Variants in MAML3 observed in about 807,000 individuals in gnomAD.
The protein encoded by MAML3 is mastermind like transcriptional coactivator 3, also known as mastermind-like protein 3.
A neutral mutation model predicts 101.9 loss-of-function variants in MAML3; 27 were observed. The ratio of observed to expected loss-of-function variants is 0.27; its 90% CI spans 0.20 to 0.37. The LOEUF is 0.37. MAML3 is among the 10% of genes least tolerant of loss of function. The pLI is 1.00. For missense variants in MAML3, 1,316 were observed against 1,444.9 expected, an observed-to-expected ratio of 0.91 and a Z score of 1.45; for synonymous variants, 501 against 555.9, an observed-to-expected ratio of 0.90 and a Z score of 1.39.
chr4:139,926,522 C>T (rs1273871727), intron 1 of MAML3, among the ~76,000 whole-genome samples: 2 of 152,196 alleles, frequency 1.3e-5, no homozygotes, highest in Admixed American at 1.3e-4. Flanking sequence ...ATTGCTTCAA[C>T]CTGGGAGGCG....
chr4:139,985,092 A>G (rs1734513543), intron 1 of MAML3, among the ~76,000 whole-genome samples: 1 of 152,248 alleles, frequency 6.6e-6, no homozygotes, highest in Non-Finnish European at 1.5e-5. Flanking sequence ...ATTTTCCTAT[A>G]CACAAAAGTT....
At chr4:139,749,384 G>A (rs548786853) in intron 2 of MAML3, among the ~76,000 whole-genome samples, 6 of 152,186 alleles carry the variant, frequency 3.9e-5, no homozygotes, top group Non-Finnish European at 8.8e-5. Flanking sequence ...ATAGATATTT[G>A]CATATATTCC....
intron 1 of MAML3, among the ~76,000 whole-genome samples, chr4:140,147,929 T>G (rs1729093405): frequency 6.6e-6 from 1 of 151,840 alleles, no homozygotes; most frequent in South Asian, 2.1e-4. Flanking sequence ...TGTGTGTGTG[T>G]GTGTGCACGT....
rs536394392 is a variant in MAML3 at position 139,889,743 on chromosome 4, T to C, written c.1693A>G (p.Thr565Ala). The C allele has an allele frequency of 2.5e-6, 4 of 1,614,052 alleles. No individual in the cohort carries two copies. Among genetic ancestry groups the C allele is most frequent in the Admixed American group, 1.7e-5 (1 of 60,030 alleles). The change falls in exon 2 of 5, where the codon ACA becomes GCA. Residue 565 changes from threonine to alanine, a missense_variant. Transcript: ENST00000509479. ...PPMANNLQKT[T>A]MNNYLPQNHM... ...TTCTGAGGGAGGTAGTTATTCATTG[T>C]TGTCTTCTGCAGGTTGTTTGCCATT...
In MAML3 at chr4:139,717,166, A is replaced by C. The variant is rs1473125920; in HGVS notation, c.*2157T>G. The C allele has an allele frequency of 6.6e-6, 1 of 152,572 alleles. No homozygotes were observed. The highest frequency in any genetic ancestry group is 1.5e-5 in the Non-Finnish European group (1 of 68,036). The allele number at this position is 152,572 out of a possible 1,614,324, so 9.5% of individuals were successfully genotyped here. ...TACATCAGCACCGTAGTAAAAACAA[A>C]ACCAAAACAAAACCACCATATTAAA... On this transcript the variant is annotated 3_prime_UTR_variant, in exon 5 of 5. Transcript: ENST00000509479.
At chr4:139,769,604 C>T (rs1729934214) in intron 2 of MAML3, among the ~76,000 whole-genome samples, 1 of 152,018 alleles carries the variant, frequency 6.6e-6, no homozygotes, top group African/African-American at 2.4e-5. Flanking sequence ...AAAGACCTTC[C>T]ATGTCAAAGT....
rs550828659 is a variant in MAML3, at chr4:139,878,229, A to G, written c.2079+11128T>C. Among the ~76,000 whole-genome samples, 7 of 152,140 alleles carry G rather than the reference A, an allele frequency of 4.6e-5. No homozygotes were observed. The South Asian group carries it at 1.5e-3, about 32-fold the overall frequency. On this transcript the variant is annotated intron_variant, in intron 2 of 4. Transcript: ENST00000509479. Reference sequence around the variant, plus strand: ...CCCTCTATCCCGCCAACTCCTACTCATTCTTGGTCTATCTCGAAGCTCAGT... The same window carrying G: ...CCCTCTATCCCGCCAACTCCTACTCGTTCTTGGTCTATCTCGAAGCTCAGT...
At chr4:139,849,443 G>C (rs1014668679) in intron 2 of MAML3, among the ~76,000 whole-genome samples, 1 of 152,148 alleles carries the variant, frequency 6.6e-6, no homozygotes. Flanking sequence ...CAAGAAACAC[G>C]GGGCAGAGAC....
At chr4:139,848,051 T>C (rs1256124102) in intron 2 of MAML3, among the ~76,000 whole-genome samples, 5 of 152,226 alleles carry the variant, frequency 3.3e-5, no homozygotes, top group African/African-American at 1.2e-4. Flanking sequence ...TGCAATCTTA[T>C]CTCTTTTAAT....
chr4:140,045,394 C>CAAAAA (rs3081944), intron 1 of MAML3, among the ~76,000 whole-genome samples: 1 of 98,734 alleles, frequency 1.0e-5, no homozygotes, highest in African/African-American at 4.1e-5. Context: ...GACTCCAACT[C>CAAAAA]AAAAAAAAAA....
At chr4:139,884,176 G>A (rs1446346002) in intron 2 of MAML3, among the ~76,000 whole-genome samples, 2 of 152,176 alleles carry the variant, frequency 1.3e-5, no homozygotes, top group Admixed American at 6.5e-5. Context: ...GAGCCACGGC[G>A]CCTGGCTGCT....
intron 2 of MAML3, among the ~76,000 whole-genome samples, chr4:139,860,122 G>A (rs1279073823): frequency 1.3e-5 from 2 of 152,220 alleles, no homozygotes; most frequent in Non-Finnish European, 2.9e-5. Flanking sequence ...AAAGCAACTC[G>A]AAAACCCACA....
intron 1 of MAML3, among the ~76,000 whole-genome samples, chr4:139,892,512 C>T (rs553489751): frequency 4.8e-4 from 72 of 151,500 alleles, no homozygotes; most frequent in Non-Finnish European, 8.4e-4. Flanking sequence ...TCGTCTTTTA[C>T]GCTTTGCCTC....
intron 2 of MAML3, among the ~76,000 whole-genome samples, chr4:139,884,424 G>A (rs1264432364): frequency 6.6e-6 from 1 of 152,200 alleles, no homozygotes; most frequent in Admixed American, 6.5e-5. Context: ...AAAGAATAAA[G>A]TAGCAGAGTC....
intron 1 of MAML3, among the ~76,000 whole-genome samples, chr4:139,939,030 G>A (rs1015912656): frequency 1.3e-4 from 20 of 152,316 alleles, no homozygotes; most frequent in Non-Finnish European, 4.4e-5. Context: ...TTTCATTTAA[G>A]TCTGCGGTCT....
At chr4:139,981,058 C>T (rs536380614) in intron 1 of MAML3, among the ~76,000 whole-genome samples, 1 of 152,156 alleles carries the variant, frequency 6.6e-6, no homozygotes, top group African/African-American at 2.4e-5. Flanking sequence ...GCTGCCACAA[C>T]AAAATACCAC....
chr4:140,100,288 C>A (rs113094263), intron 1 of MAML3, among the ~76,000 whole-genome samples: 4 of 152,300 alleles, frequency 2.6e-5, no homozygotes, highest in African/African-American at 9.6e-5. Flanking sequence ...ATGCCTTTCT[C>A]AAGTTTATTA....
intron 2 of MAML3, among the ~76,000 whole-genome samples, chr4:139,786,426 A>C (rs1009979908): frequency 6.6e-6 from 1 of 152,132 alleles, no homozygotes; most frequent in Non-Finnish European, 1.5e-5. Context: ...ATGGCTTATG[A>C]AGAGTGGCCA....
At chr4:139,891,476 C>T (rs1053165240) in intron 1 of MAML3, among the ~76,000 whole-genome samples, 2 of 152,092 alleles carry the variant, frequency 1.3e-5, no homozygotes, top group Non-Finnish European at 2.9e-5. Context: ...TGGGGTTTCA[C>T]CCTGTTGGCT....
Sources: gnomAD v4.1 joint callset for allele counts (sites outside exome capture counted in the v4.1 genomes callset) on GRCh38, gnomAD v4.1.1 for gene constraint, MANE v1.5 for transcripts, NCBI Gene and HGNC (gene_info 2026-07-23, HGNC 2026-07-21) for gene names.